The following SCAF8 variants were observed in gnomAD, a reference collection of about 807,000 sequenced individuals.
SCAF8 encodes the protein SR-related and CTD-associated factor 8.
A neutral mutation model predicts 140.5 loss-of-function variants in SCAF8; 23 were observed. That is an observed-to-expected ratio of 0.16 (90% CI 0.12 to 0.23). The LOEUF is 0.23. SCAF8 is among the 10% of genes least tolerant of loss of function. The pLI, the probability that SCAF8 is intolerant of heterozygous loss-of-function variation, is 1.00. For missense variants in SCAF8, 1,397 were observed against 1,555.7 expected, an observed-to-expected ratio of 0.90 and a Z score of 1.72; for synonymous variants, 575 against 528.9, an observed-to-expected ratio of 1.09 and a Z score of -1.20.
At chr6:154,814,755 G>C (rs143478564) in intron 12 of SCAF8, among the ~76,000 whole-genome samples, 1 of 152,194 alleles carries the variant, frequency 6.6e-6, no homozygotes, top group Non-Finnish European at 1.5e-5. Context: ...GGAGGCATTC[G>C]TGGAGGCATG....
chr6:154,830,366 T>C (rs1348793579), intron 18 of SCAF8, among the ~76,000 whole-genome samples: 1 of 152,216 alleles, frequency 6.6e-6, no homozygotes, highest in African/African-American at 2.4e-5. Flanking sequence ...TGGTTGTGTT[T>C]TTTAATATGT....
At chr6:154,801,600 A>G (rs772627181) in intron 6 of SCAF8, among the ~76,000 whole-genome samples, 1 of 151,432 alleles carries the variant, frequency 6.6e-6, no homozygotes, top group Non-Finnish European at 1.5e-5. Flanking sequence ...CTCAGATGGT[A>G]ATTCTGAATA....
intron 9 of SCAF8, among the ~76,000 whole-genome samples, chr6:154,806,786 A>T (rs572721111): frequency 1.3e-5 from 2 of 151,784 alleles, no homozygotes; most frequent in African/African-American, 4.8e-5. Context: ...AACAATTCTG[A>T]TATAAGTGGC....
intron 3 of SCAF8, among the ~76,000 whole-genome samples, chr6:154,780,997 A>C (rs1300782934): frequency 6.6e-6 from 1 of 152,118 alleles, no homozygotes; most frequent in Non-Finnish European, 1.5e-5. Flanking sequence ...CAAGAGTATA[A>C]AAGTGTTCCT....
At chr6:154,742,784 A>G (rs895065957) in intron 1 of SCAF8, among the ~76,000 whole-genome samples, 2 of 152,190 alleles carry the variant, frequency 1.3e-5, no homozygotes, top group African/African-American at 4.8e-5. Flanking sequence ...CATGTTCTCT[A>G]AAGACAATTT....
intron 3 of SCAF8, among the ~76,000 whole-genome samples, chr6:154,786,667 G>C (rs1295088668): frequency 1.3e-5 from 2 of 152,218 alleles, no homozygotes; most frequent in Non-Finnish European, 2.9e-5. Flanking sequence ...GGTTAGGTCT[G>C]CTCGCTTTCA....
chr6:154,826,928 G>C (rs918975617), intron 17 of SCAF8, among the ~76,000 whole-genome samples: 7 of 152,062 alleles, frequency 4.6e-5, no homozygotes, highest in Admixed American at 2.6e-4. Context: ...CATGCTACGG[G>C]ACTTGAATGA....
At chr6:154,776,878 C>T (rs1021515085) in intron 2 of SCAF8, among the ~76,000 whole-genome samples, 6 of 152,158 alleles carry the variant, frequency 3.9e-5, no homozygotes, top group South Asian at 2.1e-4. Flanking sequence ...GCATAATTCA[C>T]GAGAAGAAAA....
chr6:154,826,459 GAACA>G (rs1406593589), intron 17 of SCAF8, among the ~76,000 whole-genome samples: 1 of 152,024 alleles, frequency 6.6e-6, no homozygotes, highest in African/African-American at 2.4e-5. Context: ...GTGAGAGGAG[GAACA>G]AACCTCGAAT....
intron 6 of SCAF8, among the ~76,000 whole-genome samples, chr6:154,796,479 G>A (rs1777613549): frequency 6.6e-6 from 1 of 151,798 alleles, no homozygotes; most frequent in Non-Finnish European, 1.5e-5. Context: ...TTGCTTTGAA[G>A]TGTAAACTAT....
At chr6:154,805,525 AT>A in intron 9 of SCAF8, 39 bp downstream of exon 9, 1 of 1,136,140 alleles carries the variant, frequency 8.8e-7, no homozygotes, top group Non-Finnish European at 1.2e-6. Context: ...AGTTATTACT[AT>A]TTATATTCTA....
Position 154,775,653 on chromosome 6 carries a change from C to A in SCAF8, c.114+1581C>A, listed in dbSNP as rs191548219. On this transcript the variant is annotated intron_variant, in intron 2 of 19. Coordinates refer to ENST00000367178, the MANE Select transcript of SCAF8 (RefSeq NM_014892.5). ...GACACAGTGGGACACATCGTTAGTC[C>A]TAGCTGCTGGGTAGGCTGAGGCAGG... Among the ~76,000 whole-genome samples, 52 of 152,194 alleles carry A rather than the reference C, an allele frequency of 3.4e-4. 1 individual carries two copies. The East Asian group carries it at 4.8e-3, about 14-fold the overall frequency.
chr6:154,788,483 T>G (rs1292393410), intron 4 of SCAF8, among the ~76,000 whole-genome samples: 1 of 152,224 alleles, frequency 6.6e-6, no homozygotes, highest in Admixed American at 6.5e-5. Flanking sequence ...ATTATTACGG[T>G]ATCCATATTG....
At chr6:154,753,645 A>T (rs1315325710) in intron 1 of SCAF8, among the ~76,000 whole-genome samples, 1 of 152,172 alleles carries the variant, frequency 6.6e-6, no homozygotes, top group Non-Finnish European at 1.5e-5. Context: ...TCTATTTTAT[A>T]TATATACATG....
At chr6:154,787,530 C>T (rs539901147) in intron 3 of SCAF8, among the ~76,000 whole-genome samples, 31 of 152,250 alleles carry the variant, frequency 2.0e-4, no homozygotes, top group South Asian at 8.3e-4. Context: ...CCCTTCTTTC[C>T]TGAATTTGCT....
At chr6:154,803,690 A>G (rs1385877399) in intron 8 of SCAF8, 67 bp downstream of exon 8, 1 of 912,486 alleles carries the variant, frequency 1.1e-6, no homozygotes, top group Non-Finnish European at 1.8e-6. Flanking sequence ...CTGAATTACT[A>G]AGTATACTTA....
At chr6:154,752,957 G>T (rs1778875581) in intron 1 of SCAF8, among the ~76,000 whole-genome samples, 1 of 151,944 alleles carries the variant, frequency 6.6e-6, no homozygotes, top group Non-Finnish European at 1.5e-5. Context: ...ATCCAGCAAG[G>T]CTTTCAAGAA....
chr6:154,783,304 G>A (rs964967119), intron 3 of SCAF8, among the ~76,000 whole-genome samples: 1 of 152,026 alleles, frequency 6.6e-6, no homozygotes, highest in East Asian at 1.9e-4. Flanking sequence ...TTATCATTCA[G>A]AACTATTTAT....
At chr6:154,737,339 CAGG>C (rs1778449151) in intron 1 of SCAF8, among the ~76,000 whole-genome samples, 2 of 148,342 alleles carry the variant, frequency 1.3e-5, no homozygotes, top group Non-Finnish European at 2.9e-5. Flanking sequence ...TAAGAATAAT[CAGG>C]AACGTTTGTC....
Sources: gnomAD v4.1 joint callset for allele counts (sites outside exome capture counted in the v4.1 genomes callset) on GRCh38, gnomAD v4.1.1 for gene constraint, MANE v1.5 for transcripts, NCBI Gene and HGNC (gene_info 2026-07-23, HGNC 2026-07-21) for gene names.